DSCAM: variants seen among roughly 807,000 people sequenced by gnomAD.
DSCAM encodes the protein cell adhesion molecule DSCAM.
A neutral mutation model predicts 217.7 loss-of-function variants in DSCAM; 47 were observed. The observed-to-expected ratio is 0.22, with a 90% CI of 0.17 to 0.28. The LOEUF is 0.28. Ranked by LOEUF, DSCAM falls within the 10% of genes least tolerant of loss-of-function variation. The pLI is 1.00. For synonymous variants in DSCAM, 1,056 were observed against 1,015.3 expected (o/e 1.04, Z -0.76); for missense variants, 2,080 against 2,618.3 (o/e 0.79, Z 4.49).
At chr21:40,099,113 C>A (rs909267798) in intron 20 of DSCAM, among the ~76,000 whole-genome samples, 1 of 152,174 alleles carries the variant, frequency 6.6e-6, no homozygotes, top group African/African-American at 2.4e-5. Flanking sequence ...ATCAGGAAAG[C>A]ATTAAGATAT....
chr21:40,237,206 A>G (rs957416615), intron 11 of DSCAM, among the ~76,000 whole-genome samples: 5 of 152,220 alleles, frequency 3.3e-5, no homozygotes, highest in Non-Finnish European at 7.3e-5. Context: ...TTCTGGAGGC[A>G]CTAAAGAAGT....
rs143562551 is a variant in DSCAM, at chr21:40,742,085, A to T, written c.44-33314T>A. On this transcript the variant is annotated intron_variant, in intron 1 of 32. Transcript: ENST00000400454. ...CTTCGTATCTTTATGTACAACCTAG[A>T]CAGTCACATGCGACATCTGAGGTTG... 1.6e-4 allele frequency among the ~76,000 whole-genome samples: 25 copies of T among 152,300 alleles called. No individual in the cohort carries two copies. The East Asian group carries it at 4.6e-3, about 28-fold the overall frequency.
chr21:40,447,515 A>G (rs895546711), intron 3 of DSCAM, among the ~76,000 whole-genome samples: 13 of 152,186 alleles, frequency 8.5e-5, no homozygotes, highest in Admixed American at 8.5e-4. Context: ...ACAAAACATT[A>G]CTCAAATTAG....
intron 11 of DSCAM, among the ~76,000 whole-genome samples, chr21:40,195,038 G>A (rs2090992672): frequency 6.6e-6 from 1 of 152,100 alleles, no homozygotes; most frequent in African/African-American, 2.4e-5. Context: ...GTAAGATTAA[G>A]CTAAGAGCAA....
intron 1 of DSCAM, among the ~76,000 whole-genome samples, chr21:40,776,310 G>A (rs2091487778): frequency 6.6e-6 from 1 of 151,946 alleles, no homozygotes; most frequent in Admixed American, 6.6e-5. Context: ...TGACTTTCTA[G>A]GATTTCAACA....
At chr21:40,023,019 C>G (rs2088303556) in intron 32 of DSCAM, among the ~76,000 whole-genome samples, 1 of 120,296 alleles carries the variant, frequency 8.3e-6, no homozygotes, top group South Asian at 2.9e-4. Flanking sequence ...CTATCCCTCT[C>G]CCCTCCCCCC....
chr21:40,308,649 C>T (rs1304047648), intron 9 of DSCAM, among the ~76,000 whole-genome samples: 2 of 152,174 alleles, frequency 1.3e-5, no homozygotes, highest in African/African-American at 2.4e-5. Flanking sequence ...GCTCTGCACT[C>T]TCTGTCATGT....
chr21:40,126,371 AAAG>A (rs563155732), intron 19 of DSCAM, among the ~76,000 whole-genome samples: 20 of 152,230 alleles, frequency 1.3e-4, no homozygotes, highest in African/African-American at 4.1e-4. Context: ...GAAAGGAAAG[AAAG>A]AAGAAGGCCG....
At chr21:40,601,074 G>T (rs1285366346) in intron 3 of DSCAM, among the ~76,000 whole-genome samples, 1 of 152,130 alleles carries the variant, frequency 6.6e-6, no homozygotes, top group African/African-American at 2.4e-5. Flanking sequence ...GGCTTGCTGA[G>T]ATTTTGATTG....
chr21:40,386,101 G>A (rs1423952202), intron 3 of DSCAM, among the ~76,000 whole-genome samples: 5 of 152,086 alleles, frequency 3.3e-5, no homozygotes, highest in African/African-American at 9.7e-5. Flanking sequence ...CATTAATTAC[G>A]TGCACTGCAA....
chr21:40,508,761 ATATATATATATATATATATATATTTT>A (rs1375731156), intron 3 of DSCAM, among the ~76,000 whole-genome samples: 21 of 5,242 alleles, frequency 4.0e-3, no homozygotes, highest in South Asian at 0.014. Flanking sequence ...ATATATATAT[ATATATATATATATATATATATATTTT>A]TTTTTTTTTT....
intron 3 of DSCAM, among the ~76,000 whole-genome samples, chr21:40,387,442 T>C (rs1205618203): frequency 6.6e-6 from 1 of 152,034 alleles, no homozygotes; most frequent in Non-Finnish European, 1.5e-5. Flanking sequence ...TGTCTAACCA[T>C]AGTACTGGCC....
intron 3 of DSCAM, among the ~76,000 whole-genome samples, chr21:40,378,334 C>T (rs2074983580): frequency 6.6e-6 from 1 of 151,992 alleles, no homozygotes; most frequent in Non-Finnish European, 1.5e-5. Flanking sequence ...GTGGTCTTGA[C>T]AAAAGGTATG....
intron 3 of DSCAM, among the ~76,000 whole-genome samples, chr21:40,685,221 C>A (rs56264136): frequency 0.021 from 3,159 of 152,298 alleles, 95 homozygotes; most frequent in African/African-American, 0.072. Flanking sequence ...TAAAAAGTTG[C>A]ATGGCACAGA....
At chr21:40,483,493 T>C (rs1395216960) in intron 3 of DSCAM, among the ~76,000 whole-genome samples, 1 of 152,232 alleles carries the variant, frequency 6.6e-6, no homozygotes, top group Non-Finnish European at 1.5e-5. Flanking sequence ...ATATCTTTAA[T>C]AGCTATTTCT....
chr21:40,188,804 C>CTTTT (rs2090923663), intron 12 of DSCAM, among the ~76,000 whole-genome samples: 1 of 111,368 alleles, frequency 9.0e-6, no homozygotes, highest in African/African-American at 4.5e-5. Flanking sequence ...TTTTTTTTTA[C>CTTTT]TACATTTGGG....
At chr21:40,364,189 A>G (rs2123684265) in intron 4 of DSCAM, among the ~76,000 whole-genome samples, 1 of 152,284 alleles carries the variant, frequency 6.6e-6, no homozygotes, top group South Asian at 2.1e-4. Flanking sequence ...TATATACCCA[A>G]AGTAATATAA....
chr21:40,044,560 GA>G (rs1453933007), intron 30 of DSCAM, among the ~76,000 whole-genome samples: 1 of 152,120 alleles, frequency 6.6e-6, no homozygotes, highest in African/African-American at 2.4e-5. Context: ...ATAATGTTAT[GA>G]CCCTTCTAAC....
At chr21:40,041,586 G>A (rs1420050834) in intron 32 of DSCAM, among the ~76,000 whole-genome samples, 1 of 152,070 alleles carries the variant, frequency 6.6e-6, no homozygotes, top group Admixed American at 6.6e-5. Flanking sequence ...TGTCCGCCTC[G>A]CTCCTTTGAC....
Sources: gnomAD v4.1 joint callset for allele counts (sites outside exome capture counted in the v4.1 genomes callset) on GRCh38, gnomAD v4.1.1 for gene constraint, MANE v1.5 for transcripts, NCBI Gene and HGNC (gene_info 2026-07-23, HGNC 2026-07-21) for gene names.